Variants in TMC2 observed in about 807,000 individuals in gnomAD.
TMC2 encodes transmembrane channel like 2.
A neutral mutation model predicts 105.9 loss-of-function variants in TMC2; 102 were observed. That is an observed-to-expected ratio of 0.96 (90% CI 0.82 to 1.14). The LOEUF (loss-of-function observed/expected upper bound fraction) is 1.14, where lower values mean the gene tolerates loss of function less well. Ranked by LOEUF, TMC2 falls within the 50% of genes most tolerant of loss-of-function variation. The pLI is 0.00. For missense variants in TMC2, 1,093 were observed against 1,134.3 expected (o/e 0.96, Z 0.52); for synonymous variants, 402 against 422.8 (o/e 0.95, Z 0.60).
chr20:2,569,988 T>G (rs934389293), intron 4 of TMC2, among the ~76,000 whole-genome samples: 19 of 152,104 alleles, frequency 1.2e-4, no homozygotes, highest in Non-Finnish European at 2.4e-4. Flanking sequence ...TACCTCAAAA[T>G]AATAAAAGTT....
intron 2 of TMC2, among the ~76,000 whole-genome samples, chr20:2,544,399 T>C (rs2085910568): frequency 6.6e-6 from 1 of 152,186 alleles, no homozygotes; most frequent in Non-Finnish European, 1.5e-5. Flanking sequence ...AAGAGTGCCC[T>C]GACTAAACAA....
chr20:2,629,874 C>A (rs577457604), intron 17 of TMC2, among the ~76,000 whole-genome samples: 1 of 152,334 alleles, frequency 6.6e-6, no homozygotes, highest in Admixed American at 6.5e-5. Flanking sequence ...CATATTCATG[C>A]TCATTCATTT....
chr20:2,581,074 T>C (rs1381106998), intron 7 of TMC2, among the ~76,000 whole-genome samples: 3 of 152,216 alleles, frequency 2.0e-5, no homozygotes, highest in Non-Finnish European at 4.4e-5. Context: ...GGTGTATTAA[T>C]TGGTTCTTTG....
chr20:2,615,773 T>G (rs930872383), intron 14 of TMC2, among the ~76,000 whole-genome samples: 5 of 152,238 alleles, frequency 3.3e-5, no homozygotes, highest in African/African-American at 1.2e-4. Flanking sequence ...TCTCCTTGAT[T>G]ATAATTTCAG....
At chr20:2,609,194 T>A (rs6115162) in intron 11 of TMC2, among the ~76,000 whole-genome samples, 16,316 of 152,148 alleles carry the variant, frequency 0.11, 2,485 homozygotes, top group African/African-American at 0.34. Context: ...CATTCCTGAT[T>A]GCCTAAGCTT....
chr20:2,582,443 A>C (rs1018360774), intron 7 of TMC2, among the ~76,000 whole-genome samples: 2 of 152,174 alleles, frequency 1.3e-5, no homozygotes, highest in African/African-American at 4.8e-5. Flanking sequence ...GAATAGTAGA[A>C]GTGCTCAAAC....
intron 2 of TMC2, among the ~76,000 whole-genome samples, chr20:2,551,715 A>G (rs1434580324): frequency 2.0e-5 from 3 of 152,108 alleles, no homozygotes; most frequent in East Asian, 1.9e-4. Context: ...GTTTTGGCCT[A>G]TGGGTGCCCA....
chr20:2,619,348 G>A (rs2086508192), intron 16 of TMC2, among the ~76,000 whole-genome samples: 1 of 152,138 alleles, frequency 6.6e-6, no homozygotes, highest in African/African-American at 2.4e-5. Context: ...TGTGATTTCT[G>A]CAGCAGCATC....
chr20:2,613,561 G>T, intron 14 of TMC2: 1 of 489,926 alleles, frequency 2.0e-6, no homozygotes, highest in South Asian at 1.9e-5. Context: ...AGGAAATGGA[G>T]GCATTTGGCC....
intron 2 of TMC2, among the ~76,000 whole-genome samples, chr20:2,545,078 A>G (rs938246452): frequency 6.6e-6 from 1 of 151,896 alleles, no homozygotes; most frequent in African/African-American, 2.4e-5. Flanking sequence ...ATGGTGGCAC[A>G]CACCTGTAGT....
At chr20:2,615,517 T>G (rs2086473967) in intron 14 of TMC2, among the ~76,000 whole-genome samples, 1 of 152,238 alleles carries the variant, frequency 6.6e-6, no homozygotes, top group Non-Finnish European at 1.5e-5. Context: ...AGGACCCTCA[T>G]ATCCTCAGTG....
chr20:2,564,316 A>G (rs530012150), intron 4 of TMC2, among the ~76,000 whole-genome samples: 4 of 151,942 alleles, frequency 2.6e-5, no homozygotes, highest in African/African-American at 9.6e-5. Flanking sequence ...GTGCCCAGCT[A>G]ATTTTCTGTA....
Position 2,636,136 on chromosome 20 carries a change from T to C in TMC2, c.2385+132T>C, listed in dbSNP as rs1247560995. On this transcript the variant is annotated intron_variant, in intron 18 of 19. Coordinates refer to ENST00000358864, the MANE Select transcript of TMC2 (RefSeq NM_080751.3). ...TAAACCAAATCCCAAAATATCTGTATTATGGGAAGTAGCCTTGTGAGATTC... is the reference window on the plus strand; with the variant it reads ...TAAACCAAATCCCAAAATATCTGTACTATGGGAAGTAGCCTTGTGAGATTC... 6 of 701,562 alleles carry C rather than the reference T, an allele frequency of 8.6e-6. 1 individual carries two copies. In the South Asian group the frequency reaches 9.8e-5, roughly 11 times the overall value. 43.5% of individuals were successfully genotyped at this position (701,562 alleles called of 1,614,324 possible).
At chr20:2,561,736 C>T (rs2086027076) in intron 3 of TMC2, 122 bp from the exon 4 acceptor site, 7 of 1,286,438 alleles carry the variant, frequency 5.4e-6, no homozygotes, top group African/African-American at 4.5e-5. Context: ...ATGGGAGTCA[C>T]TAATGGCTTC....
At chr20:2,617,348 C>T (rs763607766) in intron 16 of TMC2, 37 bp downstream of exon 16, 38 of 1,612,536 alleles carry the variant, frequency 2.4e-5, no homozygotes, top group Admixed American at 5.0e-5. Context: ...ACCTCCCCTC[C>T]CGAGGCAGTC....
chr20:2,638,964 C>T (rs1443318737), intron 19 of TMC2, among the ~76,000 whole-genome samples: 1 of 151,380 alleles, frequency 6.6e-6, no homozygotes, highest in Non-Finnish European at 1.5e-5. Context: ...GGTGTGATCT[C>T]GGCTCACTGC....
At chr20:2,579,681 C>T (rs2146198179) in intron 6 of TMC2, among the ~76,000 whole-genome samples, 2 of 152,218 alleles carry the variant, frequency 1.3e-5, no homozygotes, top group South Asian at 4.1e-4. Flanking sequence ...ACCTTAGCCT[C>T]CCAAAGTGCT....
intron 12 of TMC2, among the ~76,000 whole-genome samples, chr20:2,611,103 G>C: frequency 6.6e-6 from 1 of 152,204 alleles, no homozygotes; most frequent in East Asian, 1.9e-4. Flanking sequence ...TGCTTCAGTA[G>C]TGGCAAGCCC....
chr20:2,558,212 T>C lies in TMC2; in HGVS notation c.83-244T>C. The C allele has an allele frequency of 1.1e-6, 1 of 908,622 alleles. No homozygotes were observed. The highest frequency in any genetic ancestry group is 1.8e-5 in the South Asian group (1 of 55,234). The allele number at this position is 908,622 out of a possible 1,614,324, so 56.3% of individuals were successfully genotyped here. A position where few individuals can be genotyped will look rare whatever the true frequency, so the allele number is the denominator to read the frequency against. On this transcript the variant is annotated intron_variant, in intron 2 of 19. Transcript: ENST00000358864. The surrounding 1 kb of genome is among the most constrained non-coding windows in gnomAD (Gnocchi z 4.6). ...GGCAGGACACCTGTCACAGGAGGTC[T>C]TCAAGGGAGACGGGAGGGAGAAGGC... is the stretch of plus-strand genomic sequence containing the variant.
Sources: allele counts gnomAD v4.1 joint callset (sites outside exome capture counted in the v4.1 genomes callset), GRCh38; gene constraint gnomAD v4.1.1; non-coding constraint Gnocchi (gnomAD v3.1); transcripts MANE v1.5; gene names NCBI Gene and HGNC (gene_info 2026-07-23, HGNC 2026-07-21).